LHFPL3: variants seen among roughly 807,000 people sequenced by gnomAD.
LHFPL3 encodes LHFPL tetraspan subfamily member 3, also known as LHFPL tetraspan subfamily member 3 protein.
In LHFPL3, 5 loss-of-function variants were observed where a neutral mutation model predicts 19.3. That is an observed-to-expected ratio of 0.26 (90% CI 0.14 to 0.54). LHFPL3 has a LOEUF of 0.54. Among genes scored for constraint, LHFPL3 ranks in the 20% least tolerant of loss-of-function variants. The pLI is 0.94. For synonymous variants in LHFPL3, 133 were observed against 126.2 expected (o/e 1.05, Z -0.36); for missense variants, 249 against 307.4 (o/e 0.81, Z 1.42).
chr7:104,522,613 T>C (rs1445065557), intron 1 of LHFPL3, among the ~76,000 whole-genome samples: 6 of 152,124 alleles, frequency 3.9e-5, no homozygotes, highest in African/African-American at 7.2e-5. Context: ...GCAGAAGATA[T>C]GGTTCCTAGC....
intron 1 of LHFPL3, among the ~76,000 whole-genome samples, chr7:104,520,116 G>A (rs1318245255): frequency 2.0e-5 from 3 of 151,854 alleles, no homozygotes; most frequent in Non-Finnish European, 2.9e-5. Flanking sequence ...TTTGAAATAC[G>A]TCCCATCAAT....
chr7:104,432,884 A>G (rs953480234), intron 1 of LHFPL3, among the ~76,000 whole-genome samples: 1 of 152,114 alleles, frequency 6.6e-6, no homozygotes, highest in Non-Finnish European at 1.5e-5. Context: ...AATCTGGGCC[A>G]TGACCACCCC....
At chr7:104,712,078 C>T (rs910521632) in intron 1 of LHFPL3, among the ~76,000 whole-genome samples, 1 of 152,148 alleles carries the variant, frequency 6.6e-6, no homozygotes, top group Non-Finnish European at 1.5e-5. Context: ...AATCAACTGA[C>T]CTTATGATGA....
chr7:104,446,580 A>G (rs1415397175), intron 1 of LHFPL3, among the ~76,000 whole-genome samples: 1 of 150,974 alleles, frequency 6.6e-6, no homozygotes. Flanking sequence ...TTTATTTTTT[A>G]TTTGTTTGTG....
chr7:104,791,389 C>A, intron 2 of LHFPL3, among the ~76,000 whole-genome samples: 1 of 152,338 alleles, frequency 6.6e-6, no homozygotes, highest in East Asian at 1.9e-4. Context: ...GGATTCCTGG[C>A]AGCCTTACAT....
intron 2 of LHFPL3, among the ~76,000 whole-genome samples, chr7:104,855,564 A>G (rs1273251681): frequency 6.6e-6 from 1 of 152,202 alleles, no homozygotes; most frequent in Non-Finnish European, 1.5e-5. Context: ...TTAACAATCC[A>G]AAAGAATACC....
At chr7:104,826,350 G>A (rs1790817794) in intron 2 of LHFPL3, 1 of 157,510 alleles carries the variant, frequency 6.3e-6, no homozygotes, top group Admixed American at 6.5e-5. Flanking sequence ...TGAAGCTACA[G>A]AGTGGAGAGA....
intron 1 of LHFPL3, among the ~76,000 whole-genome samples, chr7:104,687,570 C>T (rs944664239): frequency 6.6e-6 from 1 of 152,212 alleles, no homozygotes; most frequent in African/African-American, 2.4e-5. Flanking sequence ...CCAGTCATCT[C>T]ATTAGCATAG....
intron 1 of LHFPL3, among the ~76,000 whole-genome samples, chr7:104,604,181 C>A (rs954149424): frequency 5.3e-5 from 8 of 152,206 alleles, no homozygotes; most frequent in African/African-American, 1.9e-4. Flanking sequence ...GCAGATTGAG[C>A]ACCACATGGT....
At chr7:104,456,296 G>A (rs1469348449) in intron 1 of LHFPL3, among the ~76,000 whole-genome samples, 1 of 152,160 alleles carries the variant, frequency 6.6e-6, no homozygotes, top group Non-Finnish European at 1.5e-5. Flanking sequence ...TTGCCTAGAA[G>A]TTTGAAGAGT....
chr7:104,670,706 T>C lies in LHFPL3; in HGVS notation c.446-65969T>C, dbSNP rs543572806. The stretch of plus-strand genomic sequence containing the variant: ...GATCAGAGTGCTCTAGAATAATGGA[T>C]GGTCTTGGATGGTGGATAAATAGGG... On this transcript the variant is annotated intron_variant, in intron 1 of 2. Transcript: ENST00000424859. Among the ~76,000 whole-genome samples the C allele has an allele frequency of 3.3e-5, 5 of 152,302 alleles. No individual in the cohort carries two copies. In the East Asian group the frequency reaches 9.6e-4, roughly 29 times the overall value.
At chr7:104,784,004 C>G (rs1468258449) in intron 2 of LHFPL3, among the ~76,000 whole-genome samples, 3 of 152,174 alleles carry the variant, frequency 2.0e-5, no homozygotes, top group Non-Finnish European at 2.9e-5. Context: ...AATGCAGACA[C>G]CAAGCTGAGG....
chr7:104,416,942 A>G (rs960967179), intron 1 of LHFPL3, among the ~76,000 whole-genome samples: 3 of 152,176 alleles, frequency 2.0e-5, no homozygotes, highest in Admixed American at 1.3e-4. Context: ...TCATCTTTTC[A>G]TAAGGAACCT....
intron 1 of LHFPL3, among the ~76,000 whole-genome samples, chr7:104,441,821 A>G (rs1792229843): frequency 6.6e-6 from 1 of 152,042 alleles, no homozygotes; most frequent in Non-Finnish European, 1.5e-5. Context: ...TGATCCGCCC[A>G]CCTCGGCCTC....
chr7:104,784,795 C>G (rs139391151), intron 2 of LHFPL3, among the ~76,000 whole-genome samples: 1 of 152,272 alleles, frequency 6.6e-6, no homozygotes, highest in Non-Finnish European at 1.5e-5. Context: ...GAATATTGTG[C>G]TATGTGAAAT....
At chr7:104,779,586 G>A (rs745710680) in intron 2 of LHFPL3, among the ~76,000 whole-genome samples, 17 of 152,144 alleles carry the variant, frequency 1.1e-4, no homozygotes, top group South Asian at 2.1e-4. Flanking sequence ...AACTCCATGC[G>A]ACTCAGCCGT....
intron 2 of LHFPL3, among the ~76,000 whole-genome samples, chr7:104,903,968 G>C (rs1011415721): frequency 6.6e-6 from 1 of 152,218 alleles, no homozygotes; most frequent in Non-Finnish European, 1.5e-5. Flanking sequence ...TTGCTGGGTT[G>C]AATGATAGTT....
At chr7:104,629,621 G>A (rs763650946) in intron 1 of LHFPL3, among the ~76,000 whole-genome samples, 1 of 152,192 alleles carries the variant, frequency 6.6e-6, no homozygotes, top group South Asian at 2.1e-4. Flanking sequence ...CCTGGCTTCA[G>A]TGCAGATAGA....
chr7:104,604,212 C>T (rs1051802070), intron 1 of LHFPL3, among the ~76,000 whole-genome samples: 1 of 152,202 alleles, frequency 6.6e-6, no homozygotes, highest in Non-Finnish European at 1.5e-5. Context: ...TCACTACTTG[C>T]ACCCTCTGTA....
Sources: allele counts gnomAD v4.1 joint callset (sites outside exome capture counted in the v4.1 genomes callset), GRCh38; gene constraint gnomAD v4.1.1; transcripts MANE v1.5; gene names NCBI Gene and HGNC (gene_info 2026-07-23, HGNC 2026-07-21).